Variants in NTAN1 observed in about 807,000 individuals in gnomAD.
NTAN1 encodes the protein protein N-terminal asparagine amidohydrolase.
In NTAN1, 32 loss-of-function variants were observed where a neutral mutation model predicts 41.9. That is an observed-to-expected ratio of 0.76 (90% CI 0.58 to 1.03). The LOEUF is 1.03. NTAN1 is among the 50% of genes least tolerant of loss of function. The pLI is 0.00. For missense variants in NTAN1, 377 were observed against 377.5 expected (o/e 1.00, Z 0.01); for synonymous variants, 140 against 139.5 (o/e 1.00, Z -0.03).
chr16:15,039,790 T>C (rs1216639253), intron 8 of NTAN1, among the ~76,000 whole-genome samples, 179 bp downstream of exon 8: 1 of 152,180 alleles, frequency 6.6e-6, no homozygotes, highest in Non-Finnish European at 1.5e-5. Flanking sequence ...CTAAAGATGT[T>C]CATTACTATT....
intron 1 of NTAN1, among the ~76,000 whole-genome samples, chr16:15,050,245 TACA>T (rs1365555847): frequency 6.6e-6 from 1 of 152,226 alleles, no homozygotes; most frequent in Non-Finnish European, 1.5e-5. Flanking sequence ...ATTAAATTGA[TACA>T]ACACTACAAT....
rs1233387729 is a variant in NTAN1, at chr16:15,040,020, A to C, written c.588T>G (p.Asp196Glu). 1.2e-6 allele frequency: 2 copies of C among 1,612,334 alleles called. No individual in the cohort carries two copies. Among genetic ancestry groups the C allele is most frequent in the South Asian group, 2.2e-5 (2 of 91,006 alleles). The change falls in exon 8 of 10, where the codon GAT becomes GAG. Residue 196 changes from aspartate (D) to glutamate (E), a missense_variant. Asp to Glu is a conservative substitution (Grantham distance 45). Transcript: ENST00000287706. ...CACGAAGCTGCTCCTCCGGACCCCG[A>C]TCTTGAAAGGATGCTCTGTAAATCT... Reference protein sequence around the residue: ...TAEIYRASFQDRGPEEQLRAA... With the variant: ...TAEIYRASFQERGPEEQLRAA...
Position 15,038,172 on chromosome 16 carries a change from A to G in NTAN1, c.792T>C (p.Phe264=), listed in dbSNP as rs1376721875. The G allele has an allele frequency of 3.7e-6, 6 of 1,613,640 alleles. No homozygotes were observed. Among genetic ancestry groups the G allele is most frequent in the Non-Finnish European group, 4.2e-6 (5 of 1,179,856 alleles). The part of the protein sequence containing the change: ...STSPLAEPPH[F]VEHIRSTLMF... ...TCAAGGTAGATCTAATATGTTCAAC[A>G]AAGTGGGGTGGCTCAGCCAGAGGCG... Residue 264 remains phenylalanine (F), a synonymous_variant, in exon 10 of 10, where the codon TTT becomes TTC. Coordinates refer to ENST00000287706, the MANE Select transcript of NTAN1 (RefSeq NM_173474.4).
At chr16:15,038,278 A>C in intron 9 of NTAN1, 68 bp from the exon 10 acceptor site, 1 of 1,116,434 alleles carries the variant, frequency 9.0e-7, no homozygotes, top group South Asian at 1.4e-5. Context: ...TAAAGATGTC[A>C]AAGTATCTTT....
chr16:15,038,348 TA>T (rs2043636723), intron 9 of NTAN1, 138 bp from the exon 10 acceptor site: 2 of 621,242 alleles, frequency 3.2e-6, no homozygotes, highest in Admixed American at 7.9e-5. Flanking sequence ...CCTGAATTAG[TA>T]AGAAAAAAGT....
intron 4 of NTAN1, among the ~76,000 whole-genome samples, chr16:15,046,766 T>C (rs2044085483): frequency 6.7e-6 from 1 of 148,892 alleles, no homozygotes; most frequent in African/African-American, 2.5e-5. Context: ...TCCCAGCTAC[T>C]TGGGAGGCTG....
Position 15,055,939 on chromosome 16 carries a change from C to T in NTAN1, c.33G>A (p.Arg11=). Residue 11 remains arginine, a synonymous_variant, in exon 1 of 10, where the codon CGG becomes CGA. Transcript: ENST00000287706. The stretch of plus-strand genomic sequence containing the variant: ...CGAGGTCCCCGGCTGACTGCGGCAG[C>T]CGCACTCGCCGCCCCTCGACGAGCA... MPLLVEGRRV[R]LPQSAGDLVR... 8.1e-7 allele frequency: 1 copy of T among 1,232,008 alleles called. No homozygotes were observed. The highest frequency in any genetic ancestry group is 4.2e-5 in the Admixed American group (1 of 24,010). 76.3% of individuals were successfully genotyped at this position (1,232,008 alleles called of 1,614,324 possible).
Position 15,044,502 on chromosome 16 carries a change from C to A in NTAN1, c.360-95G>T, listed in dbSNP as rs1458781286. On this transcript the variant is annotated intron_variant, in intron 4 of 9. Coordinates refer to ENST00000287706, the MANE Select transcript of NTAN1 (RefSeq NM_173474.4). ...CTTTCATTCTCAGTTTCCATGAACA[C>A]TTGCTCTACAGCAGAGCTGCAGGTC... is the stretch of plus-strand genomic sequence containing the variant. The A allele has an allele frequency of 1.3e-5, 11 of 827,492 alleles. No homozygotes were observed. The East Asian group carries it at 2.6e-4, about 19-fold the overall frequency. The allele number at this position is 827,492 out of a possible 1,614,324, so 51.3% of individuals were successfully genotyped here.
chr16:15,040,182 C>G (rs1306247918), intron 7 of NTAN1, 116 bp from the exon 8 acceptor site: 4 of 552,756 alleles, frequency 7.2e-6, no homozygotes, highest in Non-Finnish European at 1.3e-5. Flanking sequence ...AACAGAATGG[C>G]TCCTAAGTAT....
At chr16:15,040,220 A>T in intron 7 of NTAN1, 154 bp from the exon 8 acceptor site, 1 of 447,990 alleles carries the variant, frequency 2.2e-6, no homozygotes. Context: ...TGGAGGGGGA[A>T]AATGCAACCT....
At chr16:15,051,610 C>T (rs2044292353) in intron 1 of NTAN1, among the ~76,000 whole-genome samples, 1 of 152,050 alleles carries the variant, frequency 6.6e-6, no homozygotes. Context: ...GCCTCCTTTG[C>T]AGTAGCTGGA....
chr16:15,044,453 T>C, intron 4 of NTAN1, 46 bp from the exon 5 acceptor site: 1 of 1,210,116 alleles, frequency 8.3e-7, no homozygotes, highest in Non-Finnish European at 1.2e-6. Flanking sequence ...AAGACACCGG[T>C]GCGTGCGCTG....
rs1357215282 is a variant in NTAN1, at chr16:15,042,604, C to T, written c.434-928G>A. On this transcript the variant is annotated intron_variant, in intron 5 of 9. Coordinates refer to ENST00000287706, the MANE Select transcript of NTAN1 (RefSeq NM_173474.4). ...TTATTATTCTGATGACACCAGATTT[C>T]CTGTTATAAGTAATGTTCTACCGCT... Among the ~76,000 whole-genome samples, 3 of 152,170 alleles carry T rather than the reference C, an allele frequency of 2.0e-5. No individual in the cohort carries two copies. The East Asian group carries it at 5.8e-4, about 29-fold the overall frequency.
intron 8 of NTAN1, among the ~76,000 whole-genome samples, 155 bp from the exon 9 acceptor site, chr16:15,038,842 C>T (rs1404730015): frequency 6.6e-6 from 1 of 152,218 alleles, no homozygotes; most frequent in African/African-American, 2.4e-5. Flanking sequence ...AGCTACTGAA[C>T]ACGTCCAGTG....
intron 5 of NTAN1, among the ~76,000 whole-genome samples, chr16:15,042,416 G>T (rs1013934351): frequency 2.0e-5 from 3 of 151,864 alleles, no homozygotes; most frequent in Non-Finnish European, 4.4e-5. Flanking sequence ...TCTCGAACTC[G>T]TGACCTAAAG....
intron 5 of NTAN1, among the ~76,000 whole-genome samples, chr16:15,042,420 C>T (rs1351788739): frequency 6.6e-6 from 1 of 152,002 alleles, no homozygotes; most frequent in Non-Finnish European, 1.5e-5. Context: ...GAACTCGTGA[C>T]CTAAAGTGAT....
chr16:15,040,842 T>C (rs762909262), intron 7 of NTAN1, among the ~76,000 whole-genome samples: 18 of 152,150 alleles, frequency 1.2e-4, no homozygotes, highest in African/African-American at 1.4e-4. Context: ...TGCTACCACG[T>C]TGCTTCTTCA....
chr16:15,048,121 A>T, intron 1 of NTAN1, 22 bp from the exon 2 acceptor site: 1 of 1,483,750 alleles, frequency 6.7e-7, no homozygotes, highest in Non-Finnish European at 9.3e-7. Context: ...AAAAAAAAAT[A>T]AAATAGTGAT....
Position 15,047,489 on chromosome 16 carries a change from C to G in NTAN1, c.312G>C (p.Leu104Phe), listed in dbSNP as rs763952702. ...DGTDTKAEVP[L>F]IMNSIKSFSD... ...AAAAGGATTTTATGGAGTTCATGATCAAGGGGACCTCAGCTTTGGTGTCGG... is the reference window on the plus strand; with the variant it reads ...AAAAGGATTTTATGGAGTTCATGATGAAGGGGACCTCAGCTTTGGTGTCGG... The change falls in exon 4 of 10, where the codon TTG becomes TTC. Residue 104 changes from leucine to phenylalanine, a missense_variant. Transcript: ENST00000287706. 6.2e-7 allele frequency: 1 copy of G among 1,614,036 alleles called. No homozygotes were observed. The highest frequency in any genetic ancestry group is 1.7e-5 in the Admixed American group (1 of 60,024).
Sources: gnomAD v4.1 joint callset for allele counts (sites outside exome capture counted in the v4.1 genomes callset) on GRCh38, gnomAD v4.1.1 for gene constraint, MANE v1.5 for transcripts, NCBI Gene and HGNC (gene_info 2026-07-23, HGNC 2026-07-21) for gene names.